NCKAP1L: variants seen among roughly 807,000 people sequenced by gnomAD.
NCKAP1L encodes NCK associated protein 1 like.
Under a neutral mutation model 139.2 loss-of-function variants are expected in NCKAP1L, and 53 were observed. The ratio of observed to expected loss-of-function variants is 0.38; its 90% CI spans 0.31 to 0.48. The LOEUF is 0.48. Ranked by LOEUF, NCKAP1L falls within the 20% of genes least tolerant of loss-of-function variation. The pLI, the probability that NCKAP1L is intolerant of heterozygous loss-of-function variation, is 0.98. For missense variants in NCKAP1L, 1,151 were observed against 1,381.9 expected (o/e 0.83, Z 2.65); for synonymous variants, 468 against 499.7 (o/e 0.94, Z 0.85).
At chr12:54,498,335 G>C (rs907711) in intron 1 of NCKAP1L, among the ~76,000 whole-genome samples, 85,029 of 151,576 alleles carry the variant, frequency 0.56, 25,007 homozygotes, top group Middle Eastern at 0.69. Flanking sequence ...AGATAATTAG[G>C]TATTTAGATT....
Position 54,509,773 on chromosome 12 carries a change from C to A in NCKAP1L, c.597+14C>A, listed in dbSNP as rs1214236140. On this transcript the variant is annotated intron_variant, in intron 6 of 30. Transcript: ENST00000293373. Reference sequence around the variant, plus strand: ...CCTCACACAAAGGCAAGTTCCCTGACAATGGAGAATTCCTCAGGCAAAAGT... The same window carrying A: ...CCTCACACAAAGGCAAGTTCCCTGAAAATGGAGAATTCCTCAGGCAAAAGT... 2.5e-6 allele frequency: 4 copies of A among 1,614,114 alleles called. No individual in the cohort carries two copies. Among genetic ancestry groups the A allele is most frequent in the Non-Finnish European group, 1.7e-6 (2 of 1,179,966 alleles).
intron 1 of NCKAP1L, among the ~76,000 whole-genome samples, chr12:54,498,399 TTGTGTGTGTGTGTGTGTG>T (rs766272206): frequency 7.0e-6 from 1 of 142,294 alleles, no homozygotes; most frequent in Non-Finnish European, 1.5e-5. Context: ...GCTGTGGTGG[TTGTGTGTGTGTGTGTGTG>T]TGTGTGTGTG....
chr12:54,538,802 A>T (rs547691903), intron 29 of NCKAP1L, 82 bp from the exon 30 acceptor site: 369 of 1,042,618 alleles, frequency 3.5e-4, no homozygotes, highest in Non-Finnish European at 5.1e-4. Flanking sequence ...TCTCTCCTTG[A>T]TCTTTTCTTA....
intron 3 of NCKAP1L, among the ~76,000 whole-genome samples, chr12:54,505,019 T>C (rs564541801): frequency 7.2e-5 from 11 of 152,342 alleles, no homozygotes; most frequent in African/African-American, 2.4e-4. Flanking sequence ...TGAGGAAGTA[T>C]AGACCTAGAC....
rs1488697099 is a variant in NCKAP1L at position 54,517,913 on chromosome 12, C to T, written c.1313C>T (p.Ala438Val). The T allele has an allele frequency of 9.9e-6, 16 of 1,614,016 alleles. No individual in the cohort carries two copies. Among genetic ancestry groups the T allele is most frequent in the Non-Finnish European group, 1.4e-5 (16 of 1,180,016 alleles). Residue 438 changes from alanine to valine, a missense_variant, in exon 13 of 31, where the codon GCT becomes GTT. Coordinates refer to ENST00000293373, the MANE Select transcript of NCKAP1L (RefSeq NM_005337.5). ...CTTCAGTACTTGGCAAGATTTGATG[C>T]TCTTGTGCTCAGTGACATCATTCAG... ...YHLQYLARFDALVLSDIIQNL... is the reference protein window; with the variant it reads ...YHLQYLARFDVLVLSDIIQNL...
At chr12:54,525,264 G>C (rs997385996) in intron 20 of NCKAP1L, among the ~76,000 whole-genome samples, 1 of 152,210 alleles carries the variant, frequency 6.6e-6, no homozygotes, top group Non-Finnish European at 1.5e-5. Context: ...CTACATTAGC[G>C]GGGGCAAGGA....
At chr12:54,520,551 A>C in intron 16 of NCKAP1L, 143 bp from the exon 17 acceptor site, 1 of 820,800 alleles carries the variant, frequency 1.2e-6, no homozygotes, top group Non-Finnish European at 2.0e-6. Context: ...AAATATCGGT[A>C]AATGTTTTTT....
chr12:54,526,174 G>A (rs1463122588), intron 20 of NCKAP1L, among the ~76,000 whole-genome samples: 1 of 152,196 alleles, frequency 6.6e-6, no homozygotes, highest in Non-Finnish European at 1.5e-5. Context: ...CTGTCAGGTA[G>A]AGTTAGATGG....
chr12:54,508,597 C>T (rs1956861318), intron 5 of NCKAP1L, 66 bp downstream of exon 5: 4 of 1,500,240 alleles, frequency 2.7e-6, no homozygotes. Flanking sequence ...GAGAGTCCCT[C>T]ATGCAAAGGA....
chr12:54,522,048 A>G (rs1956988116), intron 18 of NCKAP1L, among the ~76,000 whole-genome samples: 2 of 152,248 alleles, frequency 1.3e-5, no homozygotes, highest in African/African-American at 4.8e-5. Context: ...TATTTGACAT[A>G]AAGCACTCAA....
At position 54,536,232 on chromosome 12, in the gene NCKAP1L, C is replaced by A; in HGVS notation, c.3060C>A (p.Ser1020Arg). The A allele has an allele frequency of 6.2e-7, 1 of 1,608,804 alleles. No individual in the cohort carries two copies. Among genetic ancestry groups the A allele is most frequent in the Non-Finnish European group, 8.5e-7 (1 of 1,175,938 alleles). Residue 1020 changes from serine (S) to arginine (R), a missense_variant, in exon 28 of 31, where the codon AGC becomes AGA. Transcript: ENST00000293373. ...CCACTGACCCTTCTTCCTTTTATAG[C>A]ATTGAGAAGGATGGTAAGTAAGGGG... ...LLATDPSSFY[S>R]IEKDGYNNNI...
intron 18 of NCKAP1L, among the ~76,000 whole-genome samples, chr12:54,521,964 G>T (rs144512735): frequency 1.3e-5 from 2 of 151,882 alleles, no homozygotes; most frequent in Non-Finnish European, 2.9e-5. Flanking sequence ...TTTTTCATAT[G>T]CAAATTACAT....
chr12:54,497,899 T>A lies in NCKAP1L; in HGVS notation c.102+8T>A, dbSNP rs777156954. ...ATGTATAACATCAAGAAGGTAAGCATGAACAATGGGACTAGTACTGATTAT... is the reference window on the plus strand; with the variant it reads ...ATGTATAACATCAAGAAGGTAAGCAAGAACAATGGGACTAGTACTGATTAT... On this transcript the variant is annotated splice_region_variant and intron_variant, in intron 1 of 30. Transcript: ENST00000293373. 6.5e-7 allele frequency: 1 copy of A among 1,543,664 alleles called. No individual in the cohort carries two copies. Among genetic ancestry groups the A allele is most frequent in the Non-Finnish European group, 9.0e-7 (1 of 1,115,764 alleles).
intron 22 of NCKAP1L, among the ~76,000 whole-genome samples, chr12:54,529,191 G>A (rs1957048833): frequency 6.6e-6 from 1 of 152,156 alleles, no homozygotes; most frequent in East Asian, 1.9e-4. Context: ...ATAAATAGTA[G>A]GACTTGGAGT....
chr12:54,518,916 G>A lies in NCKAP1L; in HGVS notation c.1423G>A (p.Asp475Asn), dbSNP rs1956956710. The A allele has an allele frequency of 6.2e-7, 1 of 1,613,586 alleles. No individual in the cohort carries two copies. The highest frequency in any genetic ancestry group is 1.7e-5 in the Admixed American group (1 of 60,004). The change falls in exon 15 of 31, where the codon GAT (aspartate) becomes AAT (asparagine). Residue 475 changes from aspartate (D) to asparagine (N), a missense_variant and splice_region_variant. By Grantham distance (23) the Asp-to-Asn change is conservative (BLOSUM62 1). Coordinates refer to ENST00000293373, the MANE Select transcript of NCKAP1L (RefSeq NM_005337.5). ...TTATACTTCCGTTTTTCTTGCAGTT[G>A]ATAATGGAGAAAAATTTGAATTCTC... is the stretch of plus-strand genomic sequence containing the variant. Reference protein sequence around the residue: ...ILSSLNLKQVDNGEKFEFSGL... With the variant: ...ILSSLNLKQVNNGEKFEFSGL...
rs557346646 is a variant in NCKAP1L at position 54,543,564 on chromosome 12, T to G, written c.*879T>G. 2.0e-5 allele frequency: 3 copies of G among 152,338 alleles called. No homozygotes were observed. The highest frequency in any genetic ancestry group is 7.2e-5 in the African/African-American group (3 of 41,576). The allele number at this position is 152,338 out of a possible 1,614,324, so 9.4% of individuals were successfully genotyped here. On this transcript the variant is annotated 3_prime_UTR_variant, in exon 31 of 31. Transcript: ENST00000293373. ...ACTAATTTAACCCCAAATCCTTTTG[T>G]CAGCCTGGGTATAGCTGTTGCTCCA...
At chr12:54,539,755 A>G (rs1400165777) in intron 30 of NCKAP1L, among the ~76,000 whole-genome samples, 3 of 152,114 alleles carry the variant, frequency 2.0e-5, no homozygotes, top group Admixed American at 6.5e-5. Flanking sequence ...CCTCTGGCCA[A>G]TGGGAAGAGG....
intron 23 of NCKAP1L, 30 bp from the exon 24 acceptor site, chr12:54,531,461 G>A: frequency 6.2e-7 from 1 of 1,612,384 alleles, no homozygotes; most frequent in Non-Finnish European, 8.5e-7. Flanking sequence ...TTCTTTTCCT[G>A]CTTAATGTCT....
intron 26 of NCKAP1L, among the ~76,000 whole-genome samples, chr12:54,534,864 C>G (rs191528711): frequency 6.6e-6 from 1 of 152,242 alleles, no homozygotes; most frequent in East Asian, 1.9e-4. Flanking sequence ...TAGCTGGACA[C>G]TGTGGCTCAT....
Sources: gnomAD v4.1 joint callset for allele counts (sites outside exome capture counted in the v4.1 genomes callset) on GRCh38, gnomAD v4.1.1 for gene constraint, MANE v1.5 for transcripts, NCBI Gene and HGNC (gene_info 2026-07-23, HGNC 2026-07-21) for gene names.